Variants in TFB1M observed in about 807,000 individuals in gnomAD.
TFB1M encodes dimethyladenosine transferase 1, mitochondrial.
TFB1M carries 27 observed loss-of-function variants against 31.1 expected under a neutral mutation model. The observed-to-expected ratio is 0.87, with a 90% CI of 0.64 to 1.20. The LOEUF (loss-of-function observed/expected upper bound fraction) is 1.20. Among genes scored for constraint, TFB1M ranks in the 50% most tolerant of loss-of-function variants. TFB1M has a pLI of 0.00. For missense variants in TFB1M, 394 were observed against 418.7 expected (o/e 0.94, Z 0.51); for synonymous variants, 166 against 151.8 (o/e 1.09, Z -0.69).
intron 5 of TFB1M, chr6:155,275,893 C>T (rs1194533417): frequency 6.2e-7 from 1 of 1,614,024 alleles, no homozygotes; most frequent in African/African-American, 1.3e-5. Context: ...CGTGGTACAG[C>T]ACTGGGATGT....
the TFB1M span, among the ~76,000 whole-genome samples, chr6:155,232,346 T>C: frequency 5.3e-5 from 8 of 152,162 alleles, no homozygotes; most frequent in Admixed American, 3.9e-4. Context: ...GACAGTGTCA[T>C]TGCGCTCTGA....
At chr6:155,245,548 G>A in the TFB1M span, 1 of 1,197,420 alleles carries the variant, frequency 8.4e-7, no homozygotes, top group Non-Finnish European at 1.2e-6. Context: ...AGAAGCCATG[G>A]GGCCGTCAAA....
chr6:155,271,052 G>A (rs145047551), intron 5 of TFB1M, among the ~76,000 whole-genome samples: 175 of 152,260 alleles, frequency 1.1e-3, no homozygotes, highest in Non-Finnish European at 1.6e-3. Flanking sequence ...AGAGTATCTT[G>A]CTCAATGCAA....
chr6:155,239,592 G>A, the TFB1M span, among the ~76,000 whole-genome samples: 4 of 152,266 alleles, frequency 2.6e-5, no homozygotes, highest in South Asian at 2.1e-4. Context: ...TTGAGAAGGC[G>A]GAAGCACATG....
At chr6:155,236,439 G>GATCA in the TFB1M span, among the ~76,000 whole-genome samples, 2 of 152,254 alleles carry the variant, frequency 1.3e-5, no homozygotes, top group East Asian at 3.9e-4. Flanking sequence ...GAGGTGGGCA[G>GATCA]ATCACCTGAG....
At chr6:155,282,601 AC>A (rs1368194007) in intron 5 of TFB1M, among the ~76,000 whole-genome samples, 1 of 152,088 alleles carries the variant, frequency 6.6e-6, no homozygotes, top group Non-Finnish European at 1.5e-5. Context: ...AGCTTATCTT[AC>A]CTTGTGTTGC....
chr6:155,262,696 C>G (rs1784443638), intron 5 of TFB1M, among the ~76,000 whole-genome samples: 1 of 152,176 alleles, frequency 6.6e-6, no homozygotes, highest in Admixed American at 6.5e-5. Context: ...AGACCAAAAG[C>G]ACAAATACAG....
In TFB1M at chr6:155,297,116, G is replaced by A. The variant is rs1777212313; in HGVS notation, c.395-12C>T. On this transcript the variant is annotated splice_polypyrimidine_tract_variant and intron_variant, in intron 3 of 6. Transcript: ENST00000367166. ...TACATTTGGAGGATCTGGTGGCAGA[G>A]GAAAAAACAACCTGAAATGATTCCA... 1 of 1,612,072 alleles carries A rather than the reference G, an allele frequency of 6.2e-7. No homozygotes were observed. The highest frequency in any genetic ancestry group is 1.3e-5 in the African/African-American group (1 of 74,844).
rs1778013742 is a variant in TFB1M, at chr6:155,311,417, T to C, written c.134-78A>G. 4.6e-6 allele frequency: 6 copies of C among 1,310,036 alleles called. No homozygotes were observed. In the South Asian group the frequency reaches 6.1e-5, roughly 13 times the overall value. The allele number at this position is 1,310,036 out of a possible 1,614,324, so 81.2% of individuals were successfully genotyped here. On this transcript the variant is annotated intron_variant, in intron 1 of 6. Transcript: ENST00000367166. ...ATGAAATTTAGAGAGAAAAATCTTC[T>C]ATAAAAATTCAGCCATTACCCAATC...
chr6:155,250,879 C>T, the TFB1M span: 51 of 1,597,332 alleles, frequency 3.2e-5, no homozygotes, highest in South Asian at 6.6e-5. Flanking sequence ...CTGGGATTTC[C>T]GTATCTTCCT....
Position 155,257,805 on chromosome 6 carries a change from A to G in TFB1M, c.*31T>C, listed in dbSNP as rs1784168598. On this transcript the variant is annotated 3_prime_UTR_variant, in exon 7 of 7. Transcript: ENST00000367166. ...GAAGCTCCACGTAGTGCAAATCGAC[A>G]TCTGGTAGGCTGCTCGCCCCCAGGC... The G allele has an allele frequency of 1.2e-6, 2 of 1,613,570 alleles. No homozygotes were observed. Among genetic ancestry groups the G allele is most frequent in the Non-Finnish European group, 1.7e-6 (2 of 1,179,806 alleles).
chr6:155,257,261 G>GTAAAGATTTAAGTTAT lies in TFB1M; in HGVS notation c.*559_*574dup. ...GTATACATTTTCCCACAAAATGGTT[G>GTAAAGATTTAAGTTAT]TAAAGATTTAAGTTATTTTAATTTA... is the stretch of plus-strand genomic sequence containing the variant. On this transcript the variant is annotated 3_prime_UTR_variant, in exon 7 of 7. Transcript: ENST00000367166. The GTAAAGATTTAAGTTAT allele has an allele frequency of 1.0e-6, 1 of 954,116 alleles. No individual in the cohort carries two copies. The highest frequency in any genetic ancestry group is 2.6e-5 in the East Asian group (1 of 37,778). 59.1% of individuals were successfully genotyped at this position (954,116 alleles called of 1,614,324 possible). A position where few individuals can be genotyped will look rare whatever the true frequency, so the allele number is the denominator to read the frequency against.
the TFB1M span, chr6:155,244,866 G>T: frequency 2.8e-6 from 4 of 1,449,844 alleles, no homozygotes; most frequent in East Asian, 2.4e-5. Flanking sequence ...TCATGAGAAA[G>T]AATTTCTTGT....
chr6:155,254,104 G>A (rs748708940), downstream of TFB1M: 4 of 1,572,258 alleles, frequency 2.5e-6, no homozygotes, highest in Non-Finnish European at 2.6e-6. Flanking sequence ...AAATAACATA[G>A]AATTATGTCT....
chr6:155,250,534 T>G, the TFB1M span: 1 of 1,535,774 alleles, frequency 6.5e-7, no homozygotes, highest in East Asian at 2.4e-5. Flanking sequence ...TGCTCTTTTA[T>G]CAGCAGCCCG....
At chr6:155,296,727 T>G (rs1470748019) in intron 4 of TFB1M, among the ~76,000 whole-genome samples, 1 of 130,976 alleles carries the variant, frequency 7.6e-6, no homozygotes, top group African/African-American at 3.2e-5. Flanking sequence ...TTTACCACAC[T>G]ACCTCCTTGG....
the TFB1M span, among the ~76,000 whole-genome samples, chr6:155,233,284 G>T: frequency 1.3e-5 from 2 of 152,180 alleles, no homozygotes; most frequent in Non-Finnish European, 2.9e-5. Flanking sequence ...TATCAAAGTT[G>T]TTGTGATCAA....
rs1778154531 is a variant in TFB1M, at chr6:155,314,321, A to G, written c.108T>C (p.Asn36=). The G allele has an allele frequency of 6.2e-7, 1 of 1,614,218 alleles. No homozygotes were observed. Among genetic ancestry groups the G allele is most frequent in the Non-Finnish European group, 8.5e-7 (1 of 1,180,018 alleles). ...RLQAAKQLSQ[N]FLLDLRLTDK... ...CTGTCAGCCTCAAGTCCAGGAGGAA[A>G]TTCTGTGATAGCTGCTTCGCTGCTT... Residue 36 remains asparagine (N), a synonymous_variant, in exon 1 of 7, where the codon AAT becomes AAC. Coordinates refer to ENST00000367166, the MANE Select transcript of TFB1M (RefSeq NM_016020.4).
At chr6:155,261,365 G>T (rs972849554) in intron 5 of TFB1M, among the ~76,000 whole-genome samples, 1 of 152,210 alleles carries the variant, frequency 6.6e-6, no homozygotes, top group Non-Finnish European at 1.5e-5. Flanking sequence ...GGTGTGGGCT[G>T]CACCACTGCT....
Sources: gnomAD v4.1 joint callset for allele counts (sites outside exome capture counted in the v4.1 genomes callset) on GRCh38, gnomAD v4.1.1 for gene constraint, MANE v1.5 for transcripts, NCBI Gene and HGNC (gene_info 2026-07-23, HGNC 2026-07-21) for gene names.